Variants in BMP7 observed in about 807,000 individuals in gnomAD.
BMP7 encodes osteogenic protein 1.
BMP7 carries 12 observed loss-of-function variants against 41.2 expected under a neutral mutation model. That is an observed-to-expected ratio of 0.29 (90% CI 0.19 to 0.47). BMP7 has a LOEUF of 0.47. BMP7 is among the 20% of genes least tolerant of loss of function. The probability of loss-of-function intolerance (pLI) is 0.99; values close to 1 mark genes in which losing one functional copy is unlikely to be tolerated. For synonymous variants in BMP7, 248 were observed against 250.0 expected, an observed-to-expected ratio of 0.99 and a Z score of 0.07; for missense variants, 467 against 606.0, an observed-to-expected ratio of 0.77 and a Z score of 2.41.
chr20:57,195,958 C>T (rs1030421322), intron 3 of BMP7, among the ~76,000 whole-genome samples: 6 of 152,146 alleles, frequency 3.9e-5, no homozygotes, highest in South Asian at 2.1e-4. Flanking sequence ...GGACAGCCAG[C>T]GCTTACTGGA....
chr20:57,236,241 A>T (rs1386853626), intron 1 of BMP7, among the ~76,000 whole-genome samples: 1 of 152,178 alleles, frequency 6.6e-6, no homozygotes, highest in African/African-American at 2.4e-5. Context: ...GCATATGAAG[A>T]GGGGGAACTA....
chr20:57,198,429 C>T (rs374515390), intron 3 of BMP7, among the ~76,000 whole-genome samples: 44 of 152,322 alleles, frequency 2.9e-4, no homozygotes, highest in African/African-American at 1.0e-3. Context: ...GACAAACAGA[C>T]TCCAGCCCTC....
intron 3 of BMP7, among the ~76,000 whole-genome samples, chr20:57,202,240 C>T (rs543530794): frequency 7.9e-5 from 12 of 152,240 alleles, no homozygotes; most frequent in Middle Eastern, 3.4e-3. Flanking sequence ...TGATATGGGA[C>T]CACCCTTTGT....
intron 2 of BMP7, among the ~76,000 whole-genome samples, chr20:57,217,596 C>T (rs4811825): frequency 0.66 from 100,050 of 151,900 alleles, 34,015 homozygotes; most frequent in African/African-American, 0.83. Context: ...ATAGACGGAG[C>T]GATAGTGGGA....
chr20:57,220,393 T>C (rs1249999914), intron 2 of BMP7, among the ~76,000 whole-genome samples: 3 of 152,180 alleles, frequency 2.0e-5, no homozygotes, highest in African/African-American at 7.2e-5. Context: ...TGTGACCAAA[T>C]TGAAAAATAT....
intron 1 of BMP7, among the ~76,000 whole-genome samples, chr20:57,241,885 G>C (rs1173259511): frequency 6.6e-6 from 1 of 152,176 alleles, no homozygotes; most frequent in Admixed American, 6.5e-5. Context: ...GGCAGGGAGA[G>C]GGAAAAAAGA....
intron 1 of BMP7, among the ~76,000 whole-genome samples, chr20:57,262,020 G>A (rs1445114987): frequency 6.6e-6 from 1 of 152,154 alleles, no homozygotes; most frequent in African/African-American, 2.4e-5. Context: ...ATAATGATAG[G>A]TTTCCAACTT....
At chr20:57,255,000 C>G (rs1216336744) in intron 1 of BMP7, among the ~76,000 whole-genome samples, 1 of 152,012 alleles carries the variant, frequency 6.6e-6, no homozygotes, top group Non-Finnish European at 1.5e-5. Flanking sequence ...CCATAAAGAC[C>G]GAGGAGAGGG....
intron 1 of BMP7, among the ~76,000 whole-genome samples, chr20:57,245,404 T>G (rs1487880056): frequency 6.6e-6 from 1 of 152,092 alleles, no homozygotes; most frequent in Admixed American, 6.6e-5. Context: ...TGGAGTGCAG[T>G]GATGTAATTA....
chr20:57,238,150 T>G (rs2066054752), intron 1 of BMP7, among the ~76,000 whole-genome samples: 1 of 152,168 alleles, frequency 6.6e-6, no homozygotes, highest in African/African-American at 2.4e-5. Flanking sequence ...CACCCACCCT[T>G]CTACTTTCTG....
intron 4 of BMP7, among the ~76,000 whole-genome samples, chr20:57,180,126 C>A (rs1407856694): frequency 1.3e-5 from 2 of 152,172 alleles, no homozygotes; most frequent in African/African-American, 2.4e-5. Context: ...AGCACCCCCT[C>A]GGCACCCACC....
chr20:57,177,797 G>A (rs924075628), intron 4 of BMP7: 6 of 152,224 alleles, frequency 3.9e-5, no homozygotes, highest in African/African-American at 1.2e-4. Flanking sequence ...GGCTGGGGCG[G>A]GGCTGGTGGG....
chr20:57,213,916 G>T lies in BMP7; in HGVS notation c.612-11293C>A, dbSNP rs575931482. Among the ~76,000 whole-genome samples the T allele has an allele frequency of 6.6e-6, 1 of 152,340 alleles. No individual in the cohort carries two copies. Among genetic ancestry groups the T allele is most frequent in the African/African-American group, 2.4e-5 (1 of 41,584 alleles). On this transcript the variant is annotated intron_variant, in intron 2 of 6. Transcript: ENST00000395863. This position sits in a 1 kb window ranked among gnomAD's most constrained non-coding sequence, Gnocchi z 4.4. ...TTAAATGGAAAGATATGCTCAAGAT[G>T]CCAGCGCAAAGCCAGAGACTCAAGG...
rs1294314636 is a variant in BMP7 at position 57,228,346 on chromosome 20, T to C, written c.494A>G (p.Glu165Gly). Residue 165 changes from glutamate to glycine, a missense_variant, in exon 2 of 7, where the codon GAA (glutamate) becomes GGA (glycine). Glu to Gly is a moderately conservative substitution (Grantham distance 98, BLOSUM62 -2). This residue lies in a region of BMP7 where 407 missense variants were observed against 485.9 expected (regional missense o/e 0.84). Transcript: ENST00000395863. This position sits in a 1 kb window ranked among gnomAD's most constrained non-coding sequence, Gnocchi z 4.5. ...EFRFDLSKIP[E>G]GEAVTAAEFR... ...TTCGGCTGCCGTGACAGCTTCCCCT[T>C]CTGGGATCTTGGAAAGATCAAACCG... is the stretch of plus-strand genomic sequence containing the variant. 1 of 1,614,124 alleles carries C rather than the reference T, an allele frequency of 6.2e-7. No homozygotes were observed. The highest frequency in any genetic ancestry group is 8.5e-7 in the Non-Finnish European group (1 of 1,180,000).
chr20:57,258,871 G>A (rs188941166), intron 1 of BMP7, among the ~76,000 whole-genome samples: 42 of 152,268 alleles, frequency 2.8e-4, no homozygotes, highest in Admixed American at 7.2e-4. Context: ...ATATACCAAC[G>A]TAAATCTTCA....
Position 57,266,258 on chromosome 20 carries a change from G to A in BMP7, c.-136C>T. ...CCCCGCTGCGCCCGCGCCAGACATG[G>A]CCCCTCCCCGGCCGGCCGCGCTCTG... On this transcript the variant is annotated 5_prime_UTR_variant, in exon 1 of 7. Coordinates refer to ENST00000395863, the MANE Select transcript of BMP7 (RefSeq NM_001719.3). The A allele has an allele frequency of 1.1e-6, 1 of 889,040 alleles. No homozygotes were observed. 55.1% of individuals were successfully genotyped at this position (889,040 alleles called of 1,614,324 possible).
At chr20:57,190,989 C>T (rs1984343797) in intron 3 of BMP7, among the ~76,000 whole-genome samples, 1 of 152,148 alleles carries the variant, frequency 6.6e-6, no homozygotes, top group African/African-American at 2.4e-5. Context: ...CATGTCATGA[C>T]AACCAAATAT....
chr20:57,193,185 C>T (rs551792189), intron 3 of BMP7, among the ~76,000 whole-genome samples: 4 of 152,332 alleles, frequency 2.6e-5, no homozygotes, highest in South Asian at 2.1e-4. Context: ...CGTGTACAGA[C>T]GCCGGTACCC....
intron 2 of BMP7, among the ~76,000 whole-genome samples, chr20:57,207,439 A>G (rs1304006716): frequency 6.6e-6 from 1 of 152,210 alleles, no homozygotes; most frequent in African/African-American, 2.4e-5. Context: ...TAAATTCCTG[A>G]GCAATAAAAC....
Sources: gnomAD v4.1 joint callset for allele counts (sites outside exome capture counted in the v4.1 genomes callset) on GRCh38, gnomAD v4.1.1 for gene constraint, gnomAD v4.1.1 regional missense constraint, Gnocchi (gnomAD v3.1) non-coding constraint, MANE v1.5 for transcripts, NCBI Gene and HGNC (gene_info 2026-07-23, HGNC 2026-07-21) for gene names.